Variants in RARB observed in about 807,000 individuals in gnomAD.
The protein encoded by RARB is retinoic acid receptor beta.
RARB carries 17 observed loss-of-function variants against 51.9 expected under a neutral mutation model. The observed-to-expected ratio is 0.33, with a 90% CI of 0.22 to 0.49. RARB has a LOEUF of 0.49. Ranked by LOEUF, RARB falls within the 20% of genes least tolerant of loss-of-function variation. The probability of loss-of-function intolerance (pLI) is 0.99; values close to 1 mark genes in which losing one functional copy is unlikely to be tolerated. For synonymous variants in RARB, 215 were observed against 195.4 expected (o/e 1.10, Z -0.84); for missense variants, 369 against 550.8 (o/e 0.67, Z 3.30).
chr3:25,128,644 C>G (rs1603973), intron 3 of RARB, among the ~76,000 whole-genome samples: 79,150 of 150,768 alleles, frequency 0.52, 21,158 homozygotes, highest in East Asian at 0.69. Flanking sequence ...CAAGTTAGGG[C>G]ACATTATTTT....
At chr3:25,213,552 G>A (rs555401162) in intron 5 of RARB, among the ~76,000 whole-genome samples, 24 of 152,212 alleles carry the variant, frequency 1.6e-4, no homozygotes, top group East Asian at 5.8e-4. Context: ...TGGTGACCAC[G>A]TGCACATTAC....
chr3:25,493,829 A>G (rs1241096299), intron 2 of RARB, among the ~76,000 whole-genome samples: 2 of 152,200 alleles, frequency 1.3e-5, no homozygotes, highest in African/African-American at 2.4e-5. Flanking sequence ...CCTTTCTTCA[A>G]ACAATCATGA....
chr3:25,364,938 C>A lies in RARB; in HGVS notation c.179-96255C>A, dbSNP rs922967217. Among the ~76,000 whole-genome samples the A allele has an allele frequency of 7.2e-4, 110 of 152,256 alleles. 1 individual carries two copies. The highest frequency in any genetic ancestry group is 2.4e-3 in the African/African-American group (101 of 41,542). ...TAGTTTATTAACTTCCCTTACACTT[C>A]TGACATATCTCAGTTGTATCATTAT... On this transcript the variant is annotated intron_variant, in intron 5 of 11. Coordinates refer to the RARB transcript ENST00000383772.
At chr3:25,586,819 G>A (rs6775665) in intron 5 of RARB, among the ~76,000 whole-genome samples, 4,770 of 152,278 alleles carry the variant, frequency 0.031, 225 homozygotes, top group African/African-American at 0.11. Context: ...GGTGGGGAGC[G>A]AGCTCTGGGC....
intron 4 of RARB, among the ~76,000 whole-genome samples, chr3:25,161,773 C>G (rs909462511): frequency 3.3e-5 from 5 of 152,152 alleles, no homozygotes; most frequent in African/African-American, 1.2e-4. Flanking sequence ...ATAACAGATG[C>G]AAGTTTACAA....
chr3:25,152,608 A>T (rs1040117385), intron 4 of RARB, among the ~76,000 whole-genome samples: 3 of 152,198 alleles, frequency 2.0e-5, no homozygotes, highest in Non-Finnish European at 4.4e-5. Flanking sequence ...TACACATTTA[A>T]TTATAAAATT....
chr3:25,080,977 G>A (rs1453977103), intron 3 of RARB, among the ~76,000 whole-genome samples: 2 of 151,748 alleles, frequency 1.3e-5, no homozygotes, highest in East Asian at 3.9e-4. Context: ...TATTTTGCTT[G>A]CCTTTTTATT....
At chr3:25,375,294 G>A (rs1706426376) in intron 5 of RARB, among the ~76,000 whole-genome samples, 2 of 152,170 alleles carry the variant, frequency 1.3e-5, no homozygotes, top group Non-Finnish European at 2.9e-5. Context: ...CCTGTCACTA[G>A]GGCTGAATTA....
intron 5 of RARB, among the ~76,000 whole-genome samples, chr3:25,398,840 A>G (rs1433928850): frequency 2.6e-5 from 4 of 152,220 alleles, no homozygotes; most frequent in African/African-American, 9.6e-5. Context: ...AATTATCTAC[A>G]TTAATATATA....
intron 5 of RARB, among the ~76,000 whole-genome samples, chr3:25,347,939 T>G (rs1374704861): frequency 6.6e-6 from 1 of 152,218 alleles, no homozygotes; most frequent in Non-Finnish European, 1.5e-5. Context: ...TTATCTGATC[T>G]GTCCTTACTA....
intron 2 of RARB, among the ~76,000 whole-genome samples, chr3:25,025,845 A>G (rs1697736165): frequency 6.6e-6 from 1 of 152,176 alleles, no homozygotes; most frequent in Admixed American, 6.5e-5. Flanking sequence ...TCAGTTTGCA[A>G]AACGCATTAT....
chr3:25,246,417 T>C (rs1410583316), intron 5 of RARB, among the ~76,000 whole-genome samples: 1 of 152,190 alleles, frequency 6.6e-6, no homozygotes, highest in Non-Finnish European at 1.5e-5. Context: ...TTTTTGGAAT[T>C]TTCCGCCTTT....
intron 5 of RARB, among the ~76,000 whole-genome samples, chr3:25,249,750 A>G (rs528906895): frequency 1.4e-4 from 14 of 97,064 alleles, no homozygotes; most frequent in South Asian, 1.1e-3. Context: ...TCTTAGTTAC[A>G]TAGGGTATGG....
At chr3:25,325,943 C>T (rs767706568) in intron 5 of RARB, among the ~76,000 whole-genome samples, 3 of 152,154 alleles carry the variant, frequency 2.0e-5, no homozygotes, top group Non-Finnish European at 2.9e-5. Context: ...TCCAAATCAC[C>T]TGTTGAGACC....
Position 25,384,709 on chromosome 3 carries a change from A to G in RARB, c.179-76484A>G, listed in dbSNP as rs530688401. Among the ~76,000 whole-genome samples, 7 of 152,260 alleles carry G rather than the reference A, an allele frequency of 4.6e-5. No homozygotes were observed. In the South Asian group the frequency reaches 1.5e-3, roughly 32 times the overall value. On this transcript the variant is annotated intron_variant, in intron 5 of 11. Coordinates refer to the RARB transcript ENST00000383772. ...CAGGAGGTGGGCTGATGTGTGATAT[A>G]TTTGGCACCAGTGAGTTGCAGTTTA...
intron 1 of RARB, among the ~76,000 whole-genome samples, chr3:25,435,826 T>G (rs992820087): frequency 6.6e-6 from 1 of 152,230 alleles, no homozygotes; most frequent in Non-Finnish European, 1.5e-5. Flanking sequence ...GGTTACAGTT[T>G]AATGATGAAA....
At chr3:24,861,262 G>T (rs1486260493) in intron 2 of RARB, among the ~76,000 whole-genome samples, 1 of 152,156 alleles carries the variant, frequency 6.6e-6, no homozygotes, top group East Asian at 1.9e-4. Context: ...AGTATATGGG[G>T]AAATGTACAT....
rs114006469 is a variant in RARB, at chr3:25,215,842, G to T, written c.178+41267G>T. On this transcript the variant is annotated intron_variant, in intron 5 of 11. Coordinates refer to the RARB transcript ENST00000383772. ...TGTTCTACAAATGGAGCCACACTCT[G>T]TGATTCAAGAAAGTAATGTCTGGCG... Among the ~76,000 whole-genome samples, 811 of 152,280 alleles carry T rather than the reference G, an allele frequency of 5.3e-3. 6 individuals are homozygous for T. The highest frequency in any genetic ancestry group is 0.018 in the African/African-American group (759 of 41,556).
At chr3:25,063,066 G>A (rs1466240478) in intron 3 of RARB, among the ~76,000 whole-genome samples, 2 of 151,880 alleles carry the variant, frequency 1.3e-5, no homozygotes, top group Non-Finnish European at 2.9e-5. Context: ...CTTCTGAGAT[G>A]CTTCTTAGAG....
Sources: gnomAD v4.1 joint callset for allele counts (sites outside exome capture counted in the v4.1 genomes callset) on GRCh38, gnomAD v4.1.1 for gene constraint, MANE v1.5 for transcripts, NCBI Gene and HGNC (gene_info 2026-07-23, HGNC 2026-07-21) for gene names.